TBC1D22A: variants seen among roughly 807,000 people sequenced by gnomAD.
TBC1D22A encodes TBC1 domain family member 22A, also known as putative GTPase activator.
In TBC1D22A, 38 loss-of-function variants were observed where a neutral mutation model predicts 60.2. The ratio of observed to expected loss-of-function variants is 0.63; its 90% confidence interval spans 0.49 to 0.83. TBC1D22A has a LOEUF of 0.83. TBC1D22A is among the 40% of genes least tolerant of loss of function. The pLI is 0.00. For synonymous variants in TBC1D22A, 302 were observed against 281.7 expected, an observed-to-expected ratio of 1.07 and a Z score of -0.72; for missense variants, 628 against 701.0, an observed-to-expected ratio of 0.90 and a Z score of 1.18.
At chr22:47,099,538 C>A (rs562602111) in intron 11 of TBC1D22A, among the ~76,000 whole-genome samples, 1 of 151,934 alleles carries the variant, frequency 6.6e-6, no homozygotes, top group African/African-American at 2.4e-5. Flanking sequence ...CTCTGCCTCC[C>A]GGGTTCAAGC....
rs1213473903 is a variant in TBC1D22A at position 46,777,797 on chromosome 22, A to G, written c.63-14723A>G. On this transcript the variant is annotated intron_variant, in intron 1 of 12. Transcript: ENST00000337137. This position sits in a 1 kb window ranked among gnomAD's most constrained non-coding sequence, Gnocchi z 4.5. ...GGGTGGCGGAGCCGCTCCGAAAGTC[A>G]TGCATCACTTAGCGACGGGGACGCC... Among the ~76,000 whole-genome samples the G allele has an allele frequency of 2.6e-5, 4 of 152,216 alleles. No homozygotes were observed. The highest frequency in any genetic ancestry group is 9.7e-5 in the African/African-American group (4 of 41,450).
intron 9 of TBC1D22A, among the ~76,000 whole-genome samples, chr22:46,976,906 A>G (rs1332189276): frequency 6.6e-6 from 1 of 152,204 alleles, no homozygotes; most frequent in Non-Finnish European, 1.5e-5. Context: ...CTTCCTCACC[A>G]GGAAGAGGGT....
chr22:46,989,771 A>ACG (rs113790549), intron 9 of TBC1D22A, among the ~76,000 whole-genome samples: 36 of 151,794 alleles, frequency 2.4e-4, no homozygotes, highest in African/African-American at 8.2e-4. Context: ...ACACACACAC[A>ACG]CACACACACA....
In TBC1D22A at chr22:47,111,735, C is replaced by G. The variant is rs569964518; in HGVS notation, c.1425+132C>G. The G allele has an allele frequency of 5.3e-5, 42 of 789,308 alleles. No individual in the cohort carries two copies. The South Asian group carries it at 7.3e-4, about 14-fold the overall frequency. 48.9% of individuals were successfully genotyped at this position (789,308 alleles called of 1,614,324 possible). A position where few individuals can be genotyped will look rare whatever the true frequency, so the allele number is the denominator to read the frequency against. ...CTGCCTGCATTTCGCCGCTGACCTC[C>G]TGCTGGTTGAAAGCTCGTCCAGCTG... On this transcript the variant is annotated intron_variant, in intron 12 of 12. Transcript: ENST00000337137.
intron 4 of TBC1D22A, among the ~76,000 whole-genome samples, chr22:46,872,797 A>G (rs917390731): frequency 3.9e-5 from 6 of 152,232 alleles, no homozygotes; most frequent in Admixed American, 3.9e-4. Flanking sequence ...GCAAAGTCCC[A>G]TCAAGTCCTT....
At chr22:46,765,369 G>A (rs2083246299) in intron 1 of TBC1D22A, among the ~76,000 whole-genome samples, 1 of 152,252 alleles carries the variant, frequency 6.6e-6, no homozygotes. Context: ...ACCTATGCAA[G>A]CACAGTGCTA....
intron 1 of TBC1D22A, among the ~76,000 whole-genome samples, chr22:46,775,112 G>T (rs1029497284): frequency 2.0e-5 from 3 of 152,260 alleles, no homozygotes; most frequent in African/African-American, 7.2e-5. Context: ...GCCATCAGTG[G>T]CTCGGGATGT....
intron 7 of TBC1D22A, among the ~76,000 whole-genome samples, chr22:46,900,929 G>T (rs1263533456): frequency 5.3e-5 from 8 of 152,156 alleles, no homozygotes; most frequent in Non-Finnish European, 1.2e-4. Flanking sequence ...TTTTAACGTT[G>T]CACCATTGAC....
At chr22:46,958,382 A>C (rs2073321943) in intron 8 of TBC1D22A, among the ~76,000 whole-genome samples, 1 of 152,082 alleles carries the variant, frequency 6.6e-6, no homozygotes, top group South Asian at 2.1e-4. Context: ...GGCAGCCTGT[A>C]TCCTCTCTGC....
intron 12 of TBC1D22A, among the ~76,000 whole-genome samples, chr22:47,136,979 C>T (rs1175888021): frequency 2.0e-5 from 3 of 152,126 alleles, no homozygotes; most frequent in East Asian, 3.9e-4. Context: ...GTGCAGGTGG[C>T]GAGTGTGAGC....
At chr22:46,880,272 G>A (rs989558758) in intron 5 of TBC1D22A, among the ~76,000 whole-genome samples, 5 of 152,122 alleles carry the variant, frequency 3.3e-5, no homozygotes, top group Admixed American at 6.5e-5. Flanking sequence ...GGTGATACAC[G>A]AATGGTTACA....
intron 12 of TBC1D22A, among the ~76,000 whole-genome samples, chr22:47,143,908 C>G (rs62226776): frequency 6.6e-6 from 1 of 152,228 alleles, no homozygotes; most frequent in African/African-American, 2.4e-5. Context: ...GAGAGGTGTG[C>G]ACTTACGGCA....
At chr22:46,857,221 G>A (rs1029934807) in intron 4 of TBC1D22A, among the ~76,000 whole-genome samples, 6 of 152,190 alleles carry the variant, frequency 3.9e-5, no homozygotes, top group East Asian at 1.9e-4. Flanking sequence ...TCTTGTTAGC[G>A]TAACCAGGCC....
intron 11 of TBC1D22A, among the ~76,000 whole-genome samples, chr22:47,082,015 A>G (rs2064487432): frequency 6.6e-6 from 1 of 152,116 alleles, no homozygotes. Flanking sequence ...AAAATTAGCC[A>G]GGCGTGGTGA....
chr22:46,920,627 C>T (rs2070698376), intron 8 of TBC1D22A, among the ~76,000 whole-genome samples: 2 of 152,256 alleles, frequency 1.3e-5, no homozygotes, highest in South Asian at 2.1e-4. Flanking sequence ...ATGCTTTGCA[C>T]AGAGAAGCTT....
intron 11 of TBC1D22A, among the ~76,000 whole-genome samples, chr22:47,067,871 A>G (rs1050035638): frequency 6.6e-6 from 1 of 152,198 alleles, no homozygotes; most frequent in Non-Finnish European, 1.5e-5. Context: ...TCTGGAACAC[A>G]CACTTGTCTG....
At chr22:46,778,780 A>C (rs36096654) in intron 1 of TBC1D22A, among the ~76,000 whole-genome samples, 100,864 of 151,624 alleles carry the variant, frequency 0.67, 33,589 homozygotes, top group Middle Eastern at 0.78. Flanking sequence ...GGCACAGTGT[A>C]ATCCTGTAAT....
At chr22:46,885,780 A>G (rs547160807) in intron 5 of TBC1D22A, among the ~76,000 whole-genome samples, 18 of 152,292 alleles carry the variant, frequency 1.2e-4, no homozygotes, top group African/African-American at 4.1e-4. Flanking sequence ...AGCACATCCC[A>G]GTGAAAGAGG....
In TBC1D22A at chr22:46,931,085, T is replaced by G. The variant is rs956646274; in HGVS notation, c.1015+18897T>G. ...GTTCTACCTCTGGACCGCAGGCAGC[T>G]TTGGAAGTCGCTGTCTCAGAGCCCG... is the stretch of plus-strand genomic sequence containing the variant. On this transcript the variant is annotated intron_variant, in intron 8 of 12. Transcript: ENST00000337137. 3.3e-5 allele frequency among the ~76,000 whole-genome samples: 5 copies of G among 152,200 alleles called. No individual in the cohort carries two copies. The East Asian group carries it at 9.6e-4, about 29-fold the overall frequency.
Sources: allele counts gnomAD v4.1 joint callset (sites outside exome capture counted in the v4.1 genomes callset), GRCh38; gene constraint gnomAD v4.1.1; non-coding constraint Gnocchi (gnomAD v3.1); transcripts MANE v1.5; gene names NCBI Gene and HGNC (gene_info 2026-07-23, HGNC 2026-07-21).